CDH13: variants seen among roughly 807,000 people sequenced by gnomAD.
The protein encoded by CDH13 is cadherin-13.
CDH13 carries 24 observed loss-of-function variants against 63.8 expected under a neutral mutation model. The ratio of observed to expected loss-of-function variants is 0.38; its 90% confidence interval spans 0.27 to 0.53. CDH13 has a LOEUF of 0.53. Among genes scored for constraint, CDH13 ranks in the 20% least tolerant of loss-of-function variants. CDH13 has a pLI of 0.85. For synonymous variants in CDH13, 503 were observed against 355.3 expected, an observed-to-expected ratio of 1.42 and a Z score of -4.67; for missense variants, 1,049 against 903.1, an observed-to-expected ratio of 1.16 and a Z score of -2.07.
chr16:82,884,819 C>G (rs2040825834), intron 2 of CDH13, among the ~76,000 whole-genome samples: 1 of 152,168 alleles, frequency 6.6e-6, no homozygotes, highest in Non-Finnish European at 1.5e-5. Context: ...CTTCAGCAGC[C>G]ATATTATTTT....
chr16:82,688,119 G>C (rs1293826769), intron 1 of CDH13, among the ~76,000 whole-genome samples: 1 of 152,096 alleles, frequency 6.6e-6, no homozygotes, highest in East Asian at 1.9e-4. Flanking sequence ...TTTCTGTCCT[G>C]GAATCTCTAA....
intron 3 of CDH13, among the ~76,000 whole-genome samples, chr16:83,062,805 T>C (rs2031675613): frequency 1.3e-5 from 2 of 152,172 alleles, no homozygotes; most frequent in South Asian, 4.1e-4. Flanking sequence ...GTCTTTCACA[T>C]AGCTTTTTTC....
At chr16:83,191,878 C>G (rs2038726479) in intron 4 of CDH13, among the ~76,000 whole-genome samples, 1 of 152,056 alleles carries the variant, frequency 6.6e-6, no homozygotes, top group Non-Finnish European at 1.5e-5. Flanking sequence ...AAATGTTCAT[C>G]TCCTTTGGCA....
In CDH13 at chr16:83,492,622, T is replaced by A. The variant is rs570367509; in HGVS notation, c.960+5967T>A. On this transcript the variant is annotated intron_variant, in intron 7 of 13. Transcript: ENST00000567109. ...ACACAGCTAACCACCCTATGCTAAT[T>A]GCACTTGCTCCGTTGTTTCAGCAAA... Among the ~76,000 whole-genome samples, 4 of 152,358 alleles carry A rather than the reference T, an allele frequency of 2.6e-5. No individual in the cohort carries two copies. In the South Asian group the frequency reaches 6.2e-4, roughly 24 times the overall value.
At chr16:82,995,168 C>T (rs1478909236) in intron 2 of CDH13, among the ~76,000 whole-genome samples, 1 of 152,162 alleles carries the variant, frequency 6.6e-6, no homozygotes, top group African/African-American at 2.4e-5. Flanking sequence ...CCAACTAGGA[C>T]CCTCTCTCCA....
chr16:83,426,907 CTTTTT>C (rs71148833), intron 6 of CDH13, among the ~76,000 whole-genome samples: 7 of 63,184 alleles, frequency 1.1e-4, no homozygotes, highest in African/African-American at 2.1e-4. Flanking sequence ...ATGTTTCTTT[CTTTTT>C]TTTTTTTTTT....
At chr16:83,682,315 G>A (rs1915472967) in intron 10 of CDH13, among the ~76,000 whole-genome samples, 1 of 152,114 alleles carries the variant, frequency 6.6e-6, no homozygotes. Context: ...GGTGGGAAGA[G>A]GCGTTACTAG....
In CDH13 at chr16:83,571,631, G is replaced by T. The variant is rs554041023; in HGVS notation, c.961-30823G>T. ...TCTGCCACTCCTTAATGTAACGCTG[G>T]CATGTGCCTTGAGAATCCAGCACAG... On this transcript the variant is annotated intron_variant, in intron 7 of 13. Coordinates refer to ENST00000567109, the MANE Select transcript of CDH13 (RefSeq NM_001257.5). Among the ~76,000 whole-genome samples the T allele has an allele frequency of 2.0e-5, 3 of 152,178 alleles. No individual in the cohort carries two copies. The East Asian group carries it at 5.8e-4, about 29-fold the overall frequency.
chr16:83,372,245 T>C (rs1417201854), intron 6 of CDH13, among the ~76,000 whole-genome samples: 1 of 152,178 alleles, frequency 6.6e-6, no homozygotes, highest in Admixed American at 6.5e-5. Context: ...TTACACAAGA[T>C]TGCTCAACTA....
chr16:83,210,313 C>T (rs767279738), intron 4 of CDH13, among the ~76,000 whole-genome samples: 10 of 151,976 alleles, frequency 6.6e-5, no homozygotes, highest in Non-Finnish European at 1.2e-4. Flanking sequence ...GATCCACCTT[C>T]CTCAACCTCC....
intron 4 of CDH13, among the ~76,000 whole-genome samples, chr16:83,127,294 G>A (rs2035853362): frequency 6.6e-6 from 1 of 152,208 alleles, no homozygotes; most frequent in Non-Finnish European, 1.5e-5. Flanking sequence ...TTCCCCAGAA[G>A]ACTGCATGTT....
intron 1 of CDH13, among the ~76,000 whole-genome samples, chr16:82,643,063 G>C (rs867099880): frequency 6.6e-6 from 1 of 152,174 alleles, no homozygotes; most frequent in East Asian, 1.9e-4. Context: ...GGAGGAAATG[G>C]GGAGTTACTG....
chr16:83,245,641 G>T (rs1007529269), intron 5 of CDH13, among the ~76,000 whole-genome samples: 7 of 152,220 alleles, frequency 4.6e-5, no homozygotes, highest in African/African-American at 1.7e-4. Context: ...CAATGCAGTA[G>T]ACTTAGATTA....
intron 10 of CDH13, among the ~76,000 whole-genome samples, chr16:83,679,932 G>A (rs1003014374): frequency 2.6e-5 from 4 of 152,190 alleles, no homozygotes; most frequent in Non-Finnish European, 5.9e-5. Flanking sequence ...ATGGGTAGGG[G>A]TGGATGGAGG....
intron 10 of CDH13, among the ~76,000 whole-genome samples, chr16:83,739,525 A>G (rs1388664102): frequency 1.3e-5 from 2 of 151,932 alleles, no homozygotes; most frequent in East Asian, 1.9e-4. Flanking sequence ...CTGGCAAATC[A>G]CTGAACCTGG....
intron 4 of CDH13, among the ~76,000 whole-genome samples, chr16:83,172,650 A>G (rs2037970729): frequency 2.0e-5 from 3 of 152,092 alleles, no homozygotes; most frequent in Admixed American, 6.6e-5. Flanking sequence ...CACAGACCTC[A>G]GAAGCACCTT....
chr16:82,735,551 C>T (rs1567480306), intron 1 of CDH13, among the ~76,000 whole-genome samples: 1 of 152,130 alleles, frequency 6.6e-6, no homozygotes, highest in Non-Finnish European at 1.5e-5. Flanking sequence ...AATTTGTTTC[C>T]AATCTGACAG....
chr16:83,318,730 C>T (rs1380920227), intron 5 of CDH13, among the ~76,000 whole-genome samples: 1 of 152,102 alleles, frequency 6.6e-6, no homozygotes, highest in East Asian at 1.9e-4. Flanking sequence ...TTCTGAGTCT[C>T]AGAAGGTCTG....
At chr16:83,299,278 G>T (rs2089675521) in intron 5 of CDH13, among the ~76,000 whole-genome samples, 1 of 118,918 alleles carries the variant, frequency 8.4e-6, no homozygotes, top group African/African-American at 3.3e-5. Flanking sequence ...TGCTTGGATT[G>T]TTTATCAGGC....
Sources: allele counts gnomAD v4.1 joint callset (sites outside exome capture counted in the v4.1 genomes callset), GRCh38; gene constraint gnomAD v4.1.1; transcripts MANE v1.5; gene names NCBI Gene and HGNC (gene_info 2026-07-23, HGNC 2026-07-21).